The following EPB41L4A variants were observed in gnomAD, a reference collection of about 807,000 sequenced individuals.
EPB41L4A encodes the protein band 4.1-like protein 4A.
In EPB41L4A, 100 loss-of-function variants were observed where a neutral mutation model predicts 108.6. The observed-to-expected ratio is 0.92, with a 90% CI of 0.78 to 1.09. EPB41L4A has a LOEUF of 1.09. Ranked by LOEUF, EPB41L4A falls within the 50% of genes least tolerant of loss-of-function variation. The pLI, the probability that EPB41L4A is intolerant of heterozygous loss-of-function variation, is 0.00. For missense variants in EPB41L4A, 1,030 were observed against 842.7 expected (o/e 1.22, Z -2.75); for synonymous variants, 319 against 289.0 (o/e 1.10, Z -1.05).
chr5:112,418,886 A>AC, intron 1 of EPB41L4A, 55 bp downstream of exon 1: 1 of 1,409,412 alleles, frequency 7.1e-7, no homozygotes, highest in Non-Finnish European at 1.0e-6. Flanking sequence ...AAAGCGATGG[A>AC]CCCCCGCACC....
intron 1 of EPB41L4A, among the ~76,000 whole-genome samples, chr5:112,371,891 G>A (rs1759520430): frequency 6.6e-6 from 1 of 152,052 alleles, no homozygotes; most frequent in African/African-American, 2.4e-5. Flanking sequence ...TTATATTCTA[G>A]TAGAGGAGAT....
intron 1 of EPB41L4A, among the ~76,000 whole-genome samples, chr5:112,359,435 A>G (rs1048376400): frequency 1.3e-5 from 2 of 152,186 alleles, no homozygotes; most frequent in African/African-American, 2.4e-5. Flanking sequence ...TGCTCCCCCT[A>G]AGGTTAATAT....
At chr5:112,172,095 G>C (rs1760612358) in intron 18 of EPB41L4A, among the ~76,000 whole-genome samples, 1 of 152,162 alleles carries the variant, frequency 6.6e-6, no homozygotes, top group Admixed American at 6.5e-5. Context: ...GGAAAAAAGT[G>C]ATCTGTCTAT....
chr5:112,408,259 C>G (rs1304421815), intron 1 of EPB41L4A, among the ~76,000 whole-genome samples: 1 of 151,980 alleles, frequency 6.6e-6, no homozygotes, highest in East Asian at 1.9e-4. Context: ...ATCTTAAAAG[C>G]AAACATAAGA....
At chr5:112,262,808 T>G (rs1012261930) in intron 6 of EPB41L4A, among the ~76,000 whole-genome samples, 2 of 152,256 alleles carry the variant, frequency 1.3e-5, no homozygotes, top group Non-Finnish European at 2.9e-5. Flanking sequence ...TGGCTCATTA[T>G]AGCCTATCCC....
At chr5:112,206,281 C>G (rs185197406) in intron 13 of EPB41L4A, among the ~76,000 whole-genome samples, 2 of 151,792 alleles carry the variant, frequency 1.3e-5, no homozygotes, top group African/African-American at 4.8e-5. Flanking sequence ...GAGGAATCCT[C>G]TGTATAACTG....
intron 12 of EPB41L4A, among the ~76,000 whole-genome samples, chr5:112,156,812 A>G (rs905052651): frequency 1.3e-5 from 2 of 152,222 alleles, no homozygotes; most frequent in Admixed American, 6.5e-5. Flanking sequence ...ATGATGAAAT[A>G]TGGCTTTAGC....
intron 4 of EPB41L4A, among the ~76,000 whole-genome samples, chr5:112,270,338 A>G (rs74963700): frequency 1.3e-5 from 2 of 152,358 alleles, no homozygotes; most frequent in East Asian, 1.9e-4. Context: ...CAACCTACAC[A>G]GAGGTAATAA....
At chr5:112,159,312 C>T (rs148142891), downstream of EPB41L4A, among the ~76,000 whole-genome samples, 79 of 152,244 alleles carry the variant, frequency 5.2e-4, no homozygotes, top group East Asian at 0.011. Context: ...AAAGAAACAA[C>T]GAAAGGTGCT....
At chr5:112,146,457 G>A (rs1554068014) in intron 12 of EPB41L4A, among the ~76,000 whole-genome samples, 1 of 152,166 alleles carries the variant, frequency 6.6e-6, no homozygotes, top group Non-Finnish European at 1.5e-5. Context: ...ATCTTCCAAC[G>A]CTGTTTGCGC....
downstream of EPB41L4A, chr5:112,161,785 T>C (rs1453965537): frequency 2.7e-6 from 1 of 369,664 alleles, no homozygotes; most frequent in Admixed American, 3.6e-5. Context: ...GGTAGGGTGA[T>C]ATGTCTTAAA....
At chr5:112,331,698 G>A (rs1756579812) in intron 1 of EPB41L4A, among the ~76,000 whole-genome samples, 1 of 152,194 alleles carries the variant, frequency 6.6e-6, no homozygotes, top group Non-Finnish European at 1.5e-5. Flanking sequence ...GTATAAGCAG[G>A]ATGCAGGATC....
At chr5:112,205,624 GT>G in intron 13 of EPB41L4A, 120 bp from the exon 14 acceptor site, 2 of 740,702 alleles carry the variant, frequency 2.7e-6, no homozygotes, top group Non-Finnish European at 4.4e-6. Context: ...TTATTTGCTT[GT>G]TTATACCTGT....
chr5:112,402,835 A>G lies in EPB41L4A; in HGVS notation c.99+16106T>C, dbSNP rs181398069. Among the ~76,000 whole-genome samples the G allele has an allele frequency of 4.7e-3, 721 of 152,296 alleles. 9 individuals are homozygous for G. The highest frequency in any genetic ancestry group is 0.016 in the African/African-American group (660 of 41,564). On this transcript the variant is annotated intron_variant, in intron 1 of 22. Coordinates refer to ENST00000261486, the MANE Select transcript of EPB41L4A (RefSeq NM_022140.5). ...AGTACCTCAATTTTCATACTTCAAG[A>G]AAATGTTGTTTCAATACATAAATAT...
intron 12 of EPB41L4A, among the ~76,000 whole-genome samples, chr5:112,148,690 T>G (rs984208718): frequency 2.0e-5 from 3 of 152,212 alleles, no homozygotes; most frequent in African/African-American, 4.8e-5. Context: ...TTTTTTACAA[T>G]AAAATATTTT....
At chr5:112,288,884 G>A (rs952370685) in intron 2 of EPB41L4A, among the ~76,000 whole-genome samples, 2 of 151,636 alleles carry the variant, frequency 1.3e-5, no homozygotes, top group African/African-American at 4.8e-5. Context: ...CTGGAGTGCA[G>A]TGGCGCAATC....
chr5:112,403,776 AT>A (rs1379819058), intron 1 of EPB41L4A, among the ~76,000 whole-genome samples: 1 of 152,204 alleles, frequency 6.6e-6, no homozygotes, highest in African/African-American at 2.4e-5. Context: ...CCTAAGCTTC[AT>A]TTTTGAAACA....
At chr5:112,290,143 G>C (rs1753554956) in intron 2 of EPB41L4A, among the ~76,000 whole-genome samples, 1 of 151,746 alleles carries the variant, frequency 6.6e-6, no homozygotes. Flanking sequence ...TTTCAATTTA[G>C]CATCATTTTT....
At chr5:112,347,724 C>G (rs1757776363) in intron 1 of EPB41L4A, among the ~76,000 whole-genome samples, 1 of 152,174 alleles carries the variant, frequency 6.6e-6, no homozygotes, top group Non-Finnish European at 1.5e-5. Flanking sequence ...AGAATGTGAA[C>G]TAGTGGAAAA....
Sources: gnomAD v4.1 joint callset for allele counts (sites outside exome capture counted in the v4.1 genomes callset) on GRCh38, gnomAD v4.1.1 for gene constraint, MANE v1.5 for transcripts, NCBI Gene and HGNC (gene_info 2026-07-23, HGNC 2026-07-21) for gene names.